RPAP1: variants seen among roughly 807,000 people sequenced by gnomAD.
RPAP1 encodes the protein RNA polymerase II associated protein 1.
In RPAP1, 109 loss-of-function variants were observed where a neutral mutation model predicts 142.4. The ratio of observed to expected loss-of-function variants is 0.77; its 90% CI spans 0.66 to 0.90. The LOEUF is 0.90. RPAP1 is among the 40% of genes least tolerant of loss of function. The pLI is 0.00. For missense variants in RPAP1, 1,546 were observed against 1,751.7 expected, an observed-to-expected ratio of 0.88 and a Z score of 2.10; for synonymous variants, 704 against 738.9, an observed-to-expected ratio of 0.95 and a Z score of 0.77.
rs754688410 is a variant in RPAP1, at chr15:41,527,892, G to T, written c.1396C>A (p.Leu466Ile). 1.9e-6 allele frequency: 3 copies of T among 1,613,978 alleles called. No individual in the cohort carries two copies. Among genetic ancestry groups the T allele is most frequent in the Non-Finnish European group, 2.5e-6 (3 of 1,180,022 alleles). Residue 466 changes from leucine to isoleucine, a missense_variant, in exon 11 of 25, where the codon CTT (leucine) becomes ATT (isoleucine). By Grantham distance (5) the Leu-to-Ile change is conservative. Around this residue, in one of 3 missense-constraint regions of RPAP1, gnomAD observed 1,333 missense variants for 1,486.6 expected, o/e 0.90. Transcript: ENST00000304330. ...DGVIATAIRALRALLVAPGDE... is the reference protein window; with the variant it reads ...DGVIATAIRAIRALLVAPGDE... The stretch of plus-strand genomic sequence containing the variant: ...CCAGGAGCCACCAGCAGAGCCCGAA[G>T]AGCACGGATGGCGGTTGCAATGACC...
At chr15:41,518,343 A>G (rs2051689251) in intron 22 of RPAP1, 161 bp from the exon 23 acceptor site, 2 of 586,992 alleles carry the variant, frequency 3.4e-6, no homozygotes, top group Admixed American at 3.7e-5. Context: ...TAAAGACTAC[A>G]GAGCAGATGT....
In RPAP1 at chr15:41,520,405, G is replaced by A. The variant is rs1445489404; in HGVS notation, c.3781C>T (p.Leu1261=). Residue 1261 remains leucine, a synonymous_variant, in exon 22 of 25, where the codon CTG becomes TTG. Transcript: ENST00000304330. Reference sequence around the variant, plus strand: ...TGAGAAAGTACCTGGGTCAGAGGCAGGCTCAGAGCTCGCAAGGCTCCCACG... The same window carrying A: ...TGAGAAAGTACCTGGGTCAGAGGCAAGCTCAGAGCTCGCAAGGCTCCCACG... The part of the protein sequence containing the change: ...EHVGALRALS[L]PLTQLPVSLE... 5.6e-6 allele frequency: 9 copies of A among 1,613,622 alleles called. No individual in the cohort carries two copies. The highest frequency in any genetic ancestry group is 1.3e-5 in the African/African-American group (1 of 75,046).
At chr15:41,531,683 C>G (rs1183564260) in intron 6 of RPAP1, among the ~76,000 whole-genome samples, 5 of 133,202 alleles carry the variant, frequency 3.8e-5, no homozygotes, top group African/African-American at 1.4e-4. Flanking sequence ...CTGTGTCGCC[C>G]GGGCTGGAGT....
At chr15:41,525,732 G>A (rs2051784923) in intron 14 of RPAP1, among the ~76,000 whole-genome samples, 1 of 151,188 alleles carries the variant, frequency 6.6e-6, no homozygotes. Flanking sequence ...TCGGCTCACT[G>A]CAATCTCTGC....
In RPAP1 at chr15:41,527,960, A is replaced by G; in HGVS notation, c.1328T>C (p.Phe443Ser). Reference protein sequence around the residue: ...SVLSLLLDAGFLFLLRFSLDD... With the variant: ...SVLSLLLDAGSLFLLRFSLDD... ...CAAGGAGAAGCGCAGTAGGAAGAGG[A>G]AACCAGCATCCAAAAGGAGGCTTAA... The change falls in exon 11 of 25, where the codon TTC (phenylalanine) becomes TCC (serine). Residue 443 changes from phenylalanine (F) to serine (S), a missense_variant. Physicochemically the swap from Phe to Ser is radical, Grantham distance 155. This residue lies in a region of RPAP1 where 1,333 missense variants were observed against 1,486.6 expected (regional missense o/e 0.90). Coordinates refer to ENST00000304330, the MANE Select transcript of RPAP1 (RefSeq NM_015540.4). 6.2e-7 allele frequency: 1 copy of G among 1,614,154 alleles called. No homozygotes were observed. The highest frequency in any genetic ancestry group is 8.5e-7 in the Non-Finnish European group (1 of 1,180,022).
In RPAP1 at chr15:41,527,476, G is replaced by C; in HGVS notation, c.1558C>G (p.Pro520Ala). ...GGTGGAGGCCGGCTTTCTTCTTCAG[G>C]GCTTTTCCTTTTTGCTTTTCCTGCT... ...CPAGKAKRKS[P>A]EEESRPPPDL... Residue 520 changes from proline to alanine, a missense_variant, in exon 12 of 25, where the codon CCT (proline) becomes GCT (alanine). Transcript: ENST00000304330. 6.2e-7 allele frequency: 1 copy of C among 1,614,166 alleles called. No homozygotes were observed. The highest frequency in any genetic ancestry group is 8.5e-7 in the Non-Finnish European group (1 of 1,180,030).
Position 41,537,043 on chromosome 15 carries a change from G to A in RPAP1, c.83C>T (p.Pro28Leu). The change falls in exon 2 of 25, where the codon CCA (proline) becomes CTA (leucine). Residue 28 changes from proline to leucine, a missense_variant. Coordinates refer to ENST00000304330, the MANE Select transcript of RPAP1 (RefSeq NM_015540.4). Reference protein sequence around the residue: ...QSQFLAAGAAPAVQLVKKGNR... With the variant: ...QSQFLAAGAALAVQLVKKGNR... ...TCCTTTCTTCACCAACTGCACTGCT[G>A]GGGCTGCACCAGCTGCGAGAAACTG... 6.2e-7 allele frequency: 1 copy of A among 1,613,918 alleles called. No individual in the cohort carries two copies. The highest frequency in any genetic ancestry group is 8.5e-7 in the Non-Finnish European group (1 of 1,179,858).
At chr15:41,525,191 C>T in intron 14 of RPAP1, 43 bp from the exon 15 acceptor site, 1 of 1,544,580 alleles carries the variant, frequency 6.5e-7, no homozygotes, top group Non-Finnish European at 8.7e-7. Flanking sequence ...AGCTGTGAGT[C>T]TCAAGTCCAG....
chr15:41,536,842 C>G, intron 2 of RPAP1, 103 bp downstream of exon 2: 1 of 1,448,944 alleles, frequency 6.9e-7, no homozygotes, highest in South Asian at 1.3e-5. Context: ...TATGCAGTGT[C>G]TGAAATAATA....
At chr15:41,538,854 G>A (rs2051941769) in intron 1 of RPAP1, among the ~76,000 whole-genome samples, 1 of 151,952 alleles carries the variant, frequency 6.6e-6, no homozygotes, top group South Asian at 2.1e-4. Flanking sequence ...AGTGAAAGAA[G>A]CTATATGACT....
chr15:41,522,871 C>T lies in RPAP1; in HGVS notation c.2636G>A (p.Cys879Tyr), dbSNP rs1479000989. Residue 879 changes from cysteine (C) to tyrosine (Y), a missense_variant, in exon 19 of 25, where the codon TGC becomes TAC. Physicochemically the swap from Cys to Tyr is radical, Grantham distance 194. Transcript: ENST00000304330. Reference sequence around the variant, plus strand: ...TGAGCCAGCCAGACTGAGACGGGGGCAGCCTCCCGAGCAGCCCAGTGACAC... The same window carrying T: ...TGAGCCAGCCAGACTGAGACGGGGGTAGCCTCCCGAGCAGCCCAGTGACAC... Reference protein sequence around the residue: ...SLVSLGCSGGCPRLSLAGSAS... With the variant: ...SLVSLGCSGGYPRLSLAGSAS... The T allele has an allele frequency of 6.3e-7, 1 of 1,580,628 alleles. No homozygotes were observed. Among genetic ancestry groups the T allele is most frequent in the South Asian group, 1.2e-5 (1 of 85,764 alleles).
At chr15:41,536,089 GTC>G (rs773840013) in intron 4 of RPAP1, 38 bp downstream of exon 4, 4 of 1,483,402 alleles carry the variant, frequency 2.7e-6, no homozygotes, top group Non-Finnish European at 3.8e-6. Flanking sequence ...AGACTCACCT[GTC>G]TGTCTCCTGA....
intron 9 of RPAP1, among the ~76,000 whole-genome samples, chr15:41,528,813 T>C (rs1200347): frequency 1 from 152,170 of 152,236 alleles, 76,052 homozygotes; most frequent in Middle Eastern, 1. Context: ...GAACCTTATT[T>C]TGTGAGCAGA....
At chr15:41,538,675 A>C (rs2051939693) in intron 1 of RPAP1, among the ~76,000 whole-genome samples, 1 of 152,212 alleles carries the variant, frequency 6.6e-6, no homozygotes, top group African/African-American at 2.4e-5. Context: ...ATTTATATAG[A>C]TAGTATGAAC....
chr15:41,526,958 A>G lies in RPAP1; in HGVS notation c.1857T>C (p.Ala619=), dbSNP rs376688555. 9.9e-6 allele frequency: 16 copies of G among 1,614,162 alleles called. No homozygotes were observed. The African/African-American group carries it at 2.0e-4, about 20-fold the overall frequency. ...PTPSLYKVPC[A]TAMKLLRVLA... The stretch of plus-strand genomic sequence containing the variant: ...GGACACGAAGTAGTTTCATGGCAGT[A>G]GCACAGGGTACTTTGTATAGACTAG... The change falls in exon 14 of 25, where the codon GCT becomes GCC. Residue 619 remains alanine (A), a synonymous_variant. Transcript: ENST00000304330.
Position 41,523,284 on chromosome 15 carries a change from A to G in RPAP1, c.2507T>C (p.Leu836Pro). The change falls in exon 18 of 25, where the codon CTG (leucine) becomes CCG (proline). Residue 836 changes from leucine to proline, a missense_variant. By Grantham distance (98) the Leu-to-Pro change is moderately conservative (BLOSUM62 -3). Around this residue, in one of 3 missense-constraint regions of RPAP1, gnomAD observed 1,333 missense variants for 1,486.6 expected, o/e 0.90. Coordinates refer to ENST00000304330, the MANE Select transcript of RPAP1 (RefSeq NM_015540.4). ...CAGGCTGCCCAGTGTGGGCTGACTC[A>G]GCAGTGGCAGCAGCAGCTCCTCTGA... The part of the protein sequence containing the change: ...RLSEELLLPL[L>P]SQPTLGSLWD... The G allele has an allele frequency of 6.2e-7, 1 of 1,612,282 alleles. No homozygotes were observed. Among genetic ancestry groups the G allele is most frequent in the Non-Finnish European group, 8.5e-7 (1 of 1,179,102 alleles).
intron 14 of RPAP1, among the ~76,000 whole-genome samples, chr15:41,525,449 C>T (rs1286996752): frequency 6.6e-6 from 1 of 151,766 alleles, no homozygotes; most frequent in East Asian, 1.9e-4. Flanking sequence ...AGAGACTCTC[C>T]TGCCTCAGCC....
chr15:41,529,547 G>C lies in RPAP1; in HGVS notation c.1081C>G (p.Leu361Val). 1.2e-6 allele frequency: 2 copies of C among 1,613,068 alleles called. No individual in the cohort carries two copies. The highest frequency in any genetic ancestry group is 1.7e-6 in the Non-Finnish European group (2 of 1,179,440). ...TQERMQARFS[L>V]QGELLAPDVD... Reference sequence around the variant, plus strand: ...TCAGGGGCCAGTAGTTCTCCCTGAAGACTGAATCGAGCCTGCATCCTCTAA... The same window carrying C: ...TCAGGGGCCAGTAGTTCTCCCTGAACACTGAATCGAGCCTGCATCCTCTAA... Residue 361 changes from leucine (L) to valine (V), a missense_variant, in exon 9 of 25, where the codon CTT (leucine) becomes GTT (valine). Leu to Val is a conservative substitution (Grantham distance 32, BLOSUM62 1). Around this residue, in one of 3 missense-constraint regions of RPAP1, gnomAD observed 1,333 missense variants for 1,486.6 expected, o/e 0.90. Coordinates refer to ENST00000304330, the MANE Select transcript of RPAP1 (RefSeq NM_015540.4).
At chr15:41,517,769 T>C (rs762613967) in intron 24 of RPAP1, 29 bp downstream of exon 24, 2 of 1,614,094 alleles carry the variant, frequency 1.2e-6, no homozygotes, top group East Asian at 2.2e-5. Flanking sequence ...TCCTCTAATA[T>C]CCCACCCTCC....
Sources: allele counts gnomAD v4.1 joint callset (sites outside exome capture counted in the v4.1 genomes callset), GRCh38; gene constraint gnomAD v4.1.1; regional missense constraint gnomAD v4.1.1; transcripts MANE v1.5; gene names NCBI Gene and HGNC (gene_info 2026-07-23, HGNC 2026-07-21).